Variants in RFX4 observed in about 807,000 individuals in gnomAD.
RFX4 encodes transcription factor RFX4.
Under a neutral mutation model 95.0 loss-of-function variants are expected in RFX4, and 10 were observed. That is an observed-to-expected ratio of 0.11 (90% CI 0.06 to 0.18). RFX4 has a LOEUF of 0.18. Among genes scored for constraint, RFX4 ranks in the 10% least tolerant of loss-of-function variants. The probability of loss-of-function intolerance (pLI) is 1.00; values close to 1 mark genes in which losing one functional copy is unlikely to be tolerated. For missense variants in RFX4, 640 were observed against 922.0 expected, an observed-to-expected ratio of 0.69 and a Z score of 3.96; for synonymous variants, 321 against 340.7, an observed-to-expected ratio of 0.94 and a Z score of 0.64.
Position 106,687,091 on chromosome 12 carries a change from G to A in RFX4, c.585G>A (p.Glu195=), listed in dbSNP as rs762496790. 3.7e-6 allele frequency: 6 copies of A among 1,613,344 alleles called. No homozygotes were observed. The highest frequency in any genetic ancestry group is 5.1e-6 in the Non-Finnish European group (6 of 1,179,840). ...TAAATCTGCCAGCCAGCCTGCCTGA[G>A]GAGAAGGTAACTACAACTGAAGTGA... ...KDLNLPASLP[E]EKVSTFIMMY... The change falls in exon 6 of 18, where the codon GAG becomes GAA. Residue 195 remains glutamate, a synonymous_variant. Transcript: ENST00000392842.
At chr12:106,738,982 A>C (rs1165113328) in intron 15 of RFX4, among the ~76,000 whole-genome samples, 2 of 152,150 alleles carry the variant, frequency 1.3e-5, no homozygotes, top group Admixed American at 1.3e-4. Context: ...AAGTCAACTC[A>C]GCACATGGTT....
At chr12:106,749,359 G>T (rs950431963) in intron 16 of RFX4, among the ~76,000 whole-genome samples, 1 of 152,092 alleles carries the variant, frequency 6.6e-6, no homozygotes. Flanking sequence ...GACATGGGAG[G>T]AGGAGGGGGA....
intron 1 of RFX4, among the ~76,000 whole-genome samples, chr12:106,593,821 T>TC (rs1462130445): frequency 2.6e-5 from 4 of 152,222 alleles, no homozygotes; most frequent in African/African-American, 9.6e-5. Flanking sequence ...ATCTAAATGC[T>TC]CATGAATAAG....
At chr12:106,617,861 G>A (rs1235736320) in intron 2 of RFX4, among the ~76,000 whole-genome samples, 1 of 152,054 alleles carries the variant, frequency 6.6e-6, no homozygotes, top group Non-Finnish European at 1.5e-5. Context: ...CAAGTAGCTG[G>A]GATTACAGGT....
chr12:106,709,192 G>A, intron 8 of RFX4, 138 bp from the exon 9 acceptor site: 3 of 691,242 alleles, frequency 4.3e-6, no homozygotes, highest in East Asian at 2.7e-5. Flanking sequence ...TGTTGGCACT[G>A]TCTCTGAGGT....
intron 4 of RFX4, among the ~76,000 whole-genome samples, chr12:106,677,126 G>C (rs2041407328): frequency 6.6e-6 from 1 of 152,172 alleles, no homozygotes; most frequent in South Asian, 2.1e-4. Context: ...GGTTAGCACA[G>C]TGCCTGAGCC....
intron 17 of RFX4, among the ~76,000 whole-genome samples, chr12:106,753,507 G>A (rs970096772): frequency 1.6e-4 from 25 of 152,222 alleles, no homozygotes; most frequent in African/African-American, 5.8e-4. Context: ...TAAGCTCCCT[G>A]AAGGCAAAGA....
At chr12:106,634,201 G>A (rs1274434646) in intron 2 of RFX4, among the ~76,000 whole-genome samples, 2 of 152,118 alleles carry the variant, frequency 1.3e-5, no homozygotes, top group Admixed American at 6.6e-5. Context: ...ATAAAGCAAC[G>A]TTATTTTTTA....
chr12:106,645,505 T>C (rs1332448247), intron 3 of RFX4, among the ~76,000 whole-genome samples: 3 of 150,932 alleles, frequency 2.0e-5, no homozygotes, highest in African/African-American at 4.9e-5. Flanking sequence ...TCGGGGGGGA[T>C]TGGGGGGAGA....
intron 4 of RFX4, among the ~76,000 whole-genome samples, chr12:106,660,770 C>G (rs1250253888): frequency 6.6e-6 from 1 of 152,122 alleles, no homozygotes; most frequent in Non-Finnish European, 1.5e-5. Flanking sequence ...CTCCTGAGCT[C>G]CACCTCCTGT....
At chr12:106,591,694 T>C (rs536867626) in intron 1 of RFX4, among the ~76,000 whole-genome samples, 1 of 152,346 alleles carries the variant, frequency 6.6e-6, no homozygotes, top group African/African-American at 2.4e-5. Context: ...TCACTCAAAC[T>C]TTGGTTAATA....
At chr12:106,747,259 C>G (rs972334003) in intron 15 of RFX4, among the ~76,000 whole-genome samples, 178 bp from the exon 16 acceptor site, 1 of 152,066 alleles carries the variant, frequency 6.6e-6, no homozygotes, top group African/African-American at 2.4e-5. Context: ...GTGGCTGGAC[C>G]AGACAAAACA....
intron 1 of RFX4, among the ~76,000 whole-genome samples, chr12:106,596,208 A>C (rs7304298): frequency 6.6e-6 from 1 of 152,008 alleles, no homozygotes; most frequent in African/African-American, 2.4e-5. Context: ...ATTGAATCAC[A>C]GGAGCAGGTC....
chr12:106,608,678 ATGAGCAT>A (rs2039889215), intron 1 of RFX4, 112 bp from the exon 2 acceptor site: 4 of 935,042 alleles, frequency 4.3e-6, no homozygotes, highest in Non-Finnish European at 6.2e-6. Flanking sequence ...ATGAATATTG[ATGAGCAT>A]TTAAATCTAA....
intron 4 of RFX4, 67 bp from the exon 5 acceptor site, chr12:106,681,926 T>A: frequency 1.9e-6 from 3 of 1,552,580 alleles, no homozygotes; most frequent in Non-Finnish European, 2.7e-6. Context: ...GATGGCTATT[T>A]GTAAAACTCA....
At chr12:106,698,784 G>A (rs1037208334) in intron 8 of RFX4, among the ~76,000 whole-genome samples, 2 of 151,626 alleles carry the variant, frequency 1.3e-5, no homozygotes, top group African/African-American at 4.8e-5. Context: ...CATTCCCGAT[G>A]TAGGTAATTT....
chr12:106,632,026 C>T (rs2040425662), intron 2 of RFX4, among the ~76,000 whole-genome samples: 1 of 152,150 alleles, frequency 6.6e-6, no homozygotes, highest in African/African-American at 2.4e-5. Flanking sequence ...TATTATTATC[C>T]CTATTTTACA....
intron 8 of RFX4, among the ~76,000 whole-genome samples, chr12:106,707,394 AAGG>A (rs977326546): frequency 5.3e-5 from 8 of 152,068 alleles, no homozygotes; most frequent in Middle Eastern, 6.8e-3. Context: ...CTACCCGGGG[AAGG>A]AAGAAAGCTT....
At chr12:106,653,610 T>C (rs1448090816) in intron 3 of RFX4, among the ~76,000 whole-genome samples, 6 of 152,220 alleles carry the variant, frequency 3.9e-5, no homozygotes, top group African/African-American at 1.2e-4. Flanking sequence ...GTGATGGGTA[T>C]AGAATCATTA....
Sources: allele counts gnomAD v4.1 joint callset (sites outside exome capture counted in the v4.1 genomes callset), GRCh38; gene constraint gnomAD v4.1.1; transcripts MANE v1.5; gene names NCBI Gene and HGNC (gene_info 2026-07-23, HGNC 2026-07-21).